NFATC2: variants seen among roughly 807,000 people sequenced by gnomAD.
NFATC2 encodes nuclear factor of activated T cells 2.
A neutral mutation model predicts 87.3 loss-of-function variants in NFATC2; 22 were observed. That is an observed-to-expected ratio of 0.25 (90% CI 0.18 to 0.36). NFATC2 has a LOEUF of 0.36. NFATC2 is among the 10% of genes least tolerant of loss of function. The pLI, the probability that NFATC2 is intolerant of heterozygous loss-of-function variation, is 1.00. For synonymous variants in NFATC2, 565 were observed against 542.2 expected (o/e 1.04, Z -0.58); for missense variants, 1,149 against 1,259.1 (o/e 0.91, Z 1.32).
At position 51,432,843 on chromosome 20, in the gene NFATC2, T is replaced by C; in HGVS notation, c.2033-87A>G. ...GATTCGTGGATGGTGCTTGAGAACA[T>C]GGCCTTGGGAGTCCATACGGGTGGG... is the stretch of plus-strand genomic sequence containing the variant. On this transcript the variant is annotated intron_variant, in intron 8 of 10. Coordinates refer to ENST00000371564, the MANE Select transcript of NFATC2 (RefSeq NM_012340.5). This position sits in a 1 kb window ranked among gnomAD's most constrained non-coding sequence, Gnocchi z 4.6. 5.6e-6 allele frequency: 7 copies of C among 1,249,180 alleles called. No homozygotes were observed. Among genetic ancestry groups the C allele is most frequent in the Non-Finnish European group, 7.5e-6 (7 of 937,410 alleles). 77.4% of individuals were successfully genotyped at this position (1,249,180 alleles called of 1,614,324 possible). A position where few individuals can be genotyped will look rare whatever the true frequency, so the allele number is the denominator to read the frequency against.
chr20:51,523,996 G>C lies in NFATC2; in HGVS notation c.245C>G (p.Pro82Arg), dbSNP rs2076501068. The C allele has an allele frequency of 1.3e-6, 2 of 1,569,218 alleles. No homozygotes were observed. The highest frequency in any genetic ancestry group is 2.1e-5 in the Admixed American group (1 of 46,800). The change falls in exon 2 of 11, where the codon CCC becomes CGC. Residue 82 changes from proline (P) to arginine (R), a missense_variant. Pro to Arg is a moderately radical substitution (Grantham distance 103). Around this residue, in one of 3 missense-constraint regions of NFATC2, gnomAD observed 563 missense variants for 585.2 expected, o/e 0.96. Transcript: ENST00000371564. This position sits in a 1 kb window ranked among gnomAD's most constrained non-coding sequence, Gnocchi z 6.9. ...YSPLASLSGEPPGRFGEPDRV... is the reference protein window; with the variant it reads ...YSPLASLSGERPGRFGEPDRV... ...ATCCGGCTCTCCGAATCGGCCGGGGGGCTCGCCAGAGAGACTAGCAAGGGG... is the reference window on the plus strand; with the variant it reads ...ATCCGGCTCTCCGAATCGGCCGGGGCGCTCGCCAGAGAGACTAGCAAGGGG...
At chr20:51,428,858 C>G (rs548011094) in intron 9 of NFATC2, among the ~76,000 whole-genome samples, 2 of 152,328 alleles carry the variant, frequency 1.3e-5, no homozygotes, top group East Asian at 3.9e-4. Flanking sequence ...AAATAAATGA[C>G]AGACCAGAAA....
intron 1 of NFATC2, among the ~76,000 whole-genome samples, chr20:51,554,179 T>A (rs1601017839): frequency 6.6e-6 from 1 of 152,200 alleles, no homozygotes. Context: ...GTTCTCTCCC[T>A]CTTTTGCTTC....
chr20:51,457,032 T>A (rs541788346), intron 5 of NFATC2, among the ~76,000 whole-genome samples: 109 of 152,376 alleles, frequency 7.2e-4, no homozygotes, highest in African/African-American at 2.4e-3. Flanking sequence ...CTGCCAGCGC[T>A]GCCCCAGGGG....
intron 3 of NFATC2, among the ~76,000 whole-genome samples, chr20:51,492,844 C>G (rs1267644102): frequency 6.6e-6 from 1 of 152,266 alleles, no homozygotes; most frequent in East Asian, 1.9e-4. Context: ...GAGCGCCGGC[C>G]GGGGCTGGGC....
chr20:51,530,734 TC>T (rs1366417882), intron 1 of NFATC2, among the ~76,000 whole-genome samples: 2 of 151,924 alleles, frequency 1.3e-5, no homozygotes, highest in Non-Finnish European at 2.9e-5. Flanking sequence ...CTTCCATACC[TC>T]CCGACCTTAC....
chr20:51,496,845 C>T (rs1263528167), intron 3 of NFATC2, among the ~76,000 whole-genome samples: 1 of 152,182 alleles, frequency 6.6e-6, no homozygotes. Flanking sequence ...CTGGGCACTC[C>T]CTGAAAGCAA....
chr20:51,397,977 A>C (rs1987442992), intron 10 of NFATC2, among the ~76,000 whole-genome samples: 1 of 152,160 alleles, frequency 6.6e-6, no homozygotes, highest in African/African-American at 2.4e-5. Flanking sequence ...CCTGCACGAT[A>C]AGGTCTTCTT....
At chr20:51,403,638 C>T (rs527868697) in intron 9 of NFATC2, among the ~76,000 whole-genome samples, 5 of 152,172 alleles carry the variant, frequency 3.3e-5, no homozygotes, top group South Asian at 4.2e-4. Context: ...GTGGGGCCCT[C>T]GTGATGGAAT....
At chr20:51,485,798 G>A (rs950241510) in intron 3 of NFATC2, among the ~76,000 whole-genome samples, 3 of 152,158 alleles carry the variant, frequency 2.0e-5, no homozygotes, top group East Asian at 3.9e-4. Flanking sequence ...TGTGTATAAA[G>A]CATGTCACAA....
intron 9 of NFATC2, among the ~76,000 whole-genome samples, chr20:51,415,050 A>G (rs942054772): frequency 6.6e-6 from 1 of 151,900 alleles, no homozygotes; most frequent in African/African-American, 2.4e-5. Flanking sequence ...AGGAGTTTTG[A>G]GACCAGCCTG....
intron 9 of NFATC2, among the ~76,000 whole-genome samples, chr20:51,399,776 G>A (rs1987791854): frequency 6.6e-6 from 1 of 152,106 alleles, no homozygotes; most frequent in Non-Finnish European, 1.5e-5. Flanking sequence ...ACACTAAACT[G>A]CCCAGTCTCC....
chr20:51,525,435 T>A (rs748211508), intron 1 of NFATC2, among the ~76,000 whole-genome samples: 112 of 152,022 alleles, frequency 7.4e-4, no homozygotes, highest in Non-Finnish European at 1.4e-3. Flanking sequence ...AGCCTGACCC[T>A]CTTCTAGCAG....
intron 6 of NFATC2, among the ~76,000 whole-genome samples, chr20:51,436,180 C>G (rs1438878877): frequency 6.6e-6 from 1 of 152,034 alleles, no homozygotes; most frequent in South Asian, 2.1e-4. Flanking sequence ...CATTCATACC[C>G]GAACCTCAGT....
intron 5 of NFATC2, among the ~76,000 whole-genome samples, chr20:51,455,648 G>A (rs1300009811): frequency 7.9e-6 from 1 of 127,248 alleles, no homozygotes; most frequent in Non-Finnish European, 1.6e-5. Context: ...GCTTCGCTTT[G>A]TGTACTGCTG....
intron 1 of NFATC2, among the ~76,000 whole-genome samples, chr20:51,561,451 G>GA (rs1320640768): frequency 9.2e-6 from 1 of 108,972 alleles, no homozygotes; most frequent in Non-Finnish European, 1.9e-5. Context: ...AAGAAAGAAA[G>GA]AAAGAAAGAA....
chr20:51,514,033 T>C (rs1310732841), intron 3 of NFATC2, among the ~76,000 whole-genome samples: 1 of 152,376 alleles, frequency 6.6e-6, no homozygotes, highest in Non-Finnish European at 1.5e-5. Flanking sequence ...ACTTGACCTG[T>C]TACCTGCATC....
chr20:51,509,683 T>C (rs759709944), intron 3 of NFATC2, among the ~76,000 whole-genome samples: 1 of 152,234 alleles, frequency 6.6e-6, no homozygotes, highest in Non-Finnish European at 1.5e-5. Context: ...GGAGCACTGC[T>C]TACTGTCACG....
chr20:51,551,863 T>TA (rs1227832470), intron 1 of NFATC2, among the ~76,000 whole-genome samples: 1 of 150,706 alleles, frequency 6.6e-6, no homozygotes, highest in Non-Finnish European at 1.5e-5. Context: ...CAATCTCTAC[T>TA]AAAAATACAA....
Sources: allele counts gnomAD v4.1 joint callset (sites outside exome capture counted in the v4.1 genomes callset), GRCh38; gene constraint gnomAD v4.1.1; regional missense constraint gnomAD v4.1.1; non-coding constraint Gnocchi (gnomAD v3.1); transcripts MANE v1.5; gene names NCBI Gene and HGNC (gene_info 2026-07-23, HGNC 2026-07-21).